The following PAN3 variants were observed in gnomAD, a reference collection of about 807,000 sequenced individuals.
PAN3 encodes the protein poly(A) specific ribonuclease subunit PAN3, also known as PAN2-PAN3 deadenylation complex subunit PAN3.
In PAN3, 19 loss-of-function variants were observed where a neutral mutation model predicts 96.2. The observed-to-expected ratio is 0.20, with a 90% confidence interval of 0.14 to 0.29. PAN3 has a LOEUF of 0.29. Ranked by LOEUF, PAN3 falls within the 10% of genes least tolerant of loss-of-function variation. PAN3 has a pLI of 1.00. For missense variants in PAN3, 882 were observed against 1,108.1 expected (o/e 0.80, Z 2.90); for synonymous variants, 433 against 406.6 (o/e 1.06, Z -0.78).
chr13:28,219,657 G>A (rs12431092), intron 5 of PAN3, among the ~76,000 whole-genome samples: 26 of 152,348 alleles, frequency 1.7e-4, no homozygotes, highest in Admixed American at 1.6e-3. Flanking sequence ...AGTGTAACAA[G>A]TCACGCATGG....
At chr13:28,193,604 G>A (rs1286890) in intron 4 of PAN3, among the ~76,000 whole-genome samples, 2 of 151,622 alleles carry the variant, frequency 1.3e-5, no homozygotes, top group South Asian at 2.1e-4. Flanking sequence ...TTAGCTGGGC[G>A]TGGTGGTACA....
intron 6 of PAN3, among the ~76,000 whole-genome samples, chr13:28,235,239 T>TA (rs1020758409): frequency 1.1e-4 from 17 of 152,252 alleles, no homozygotes; most frequent in Middle Eastern, 3.4e-3. Flanking sequence ...GTGTCACTTA[T>TA]AAAAAAAGGC....
chr13:28,145,617 G>C (rs1204313855), intron 1 of PAN3, among the ~76,000 whole-genome samples: 3 of 151,930 alleles, frequency 2.0e-5, no homozygotes, highest in Non-Finnish European at 4.4e-5. Context: ...GTGACCCACT[G>C]TGCCTAGCCT....
chr13:28,213,547 G>A (rs1194490443), intron 5 of PAN3, among the ~76,000 whole-genome samples: 2 of 152,042 alleles, frequency 1.3e-5, no homozygotes, highest in African/African-American at 2.4e-5. Context: ...AAATTCAAAC[G>A]AGGTGGGCAG....
In PAN3 at chr13:28,208,047, A is replaced by G. The variant is rs183432544; in HGVS notation, c.852+10701A>G. Among the ~76,000 whole-genome samples the G allele has an allele frequency of 5.4e-4, 82 of 152,302 alleles. No homozygotes were observed. In the East Asian group the frequency reaches 0.015, roughly 27 times the overall value. Reference sequence around the variant, plus strand: ...TGACCTAATGTGTTCCTGAAATTTAATGCTTTACATATTTTTGTAAATTTT... The same window carrying G: ...TGACCTAATGTGTTCCTGAAATTTAGTGCTTTACATATTTTTGTAAATTTT... On this transcript the variant is annotated intron_variant, in intron 5 of 18. Coordinates refer to ENST00000380958, the MANE Select transcript of PAN3 (RefSeq NM_175854.8).
At chr13:28,290,485 C>A (rs148841896) in intron 18 of PAN3, among the ~76,000 whole-genome samples, 1 of 152,066 alleles carries the variant, frequency 6.6e-6, no homozygotes, top group Non-Finnish European at 1.5e-5. Flanking sequence ...AGTTTGAGAC[C>A]AGCCTGGCCA....
intron 14 of PAN3, among the ~76,000 whole-genome samples, chr13:28,274,432 A>G (rs1049038275): frequency 6.6e-6 from 1 of 152,084 alleles, no homozygotes; most frequent in African/African-American, 2.4e-5. Context: ...AAGGAAAATT[A>G]CACATTTTTA....
At chr13:28,225,516 G>A (rs1881900751) in intron 6 of PAN3, among the ~76,000 whole-genome samples, 1 of 152,142 alleles carries the variant, frequency 6.6e-6, no homozygotes, top group African/African-American at 2.4e-5. Context: ...GGAACCTTTG[G>A]GATTTACATA....
chr13:28,162,411 G>A (rs555599458), intron 1 of PAN3, among the ~76,000 whole-genome samples: 99 of 152,222 alleles, frequency 6.5e-4, no homozygotes, highest in African/African-American at 2.3e-3. Context: ...TCAGCCGGGT[G>A]CCGTGGCTCA....
At chr13:28,213,029 A>G (rs1880236428) in intron 5 of PAN3, among the ~76,000 whole-genome samples, 1 of 152,308 alleles carries the variant, frequency 6.6e-6, no homozygotes, top group Non-Finnish European at 1.5e-5. Flanking sequence ...AGCCATACCA[A>G]AAAACAAAAC....
At chr13:28,279,345 C>A (rs896121706) in intron 15 of PAN3, among the ~76,000 whole-genome samples, 6 of 152,188 alleles carry the variant, frequency 3.9e-5, no homozygotes, top group African/African-American at 1.4e-4. Context: ...AAGGCTCATT[C>A]AGTTTAGCAA....
intron 13 of PAN3, among the ~76,000 whole-genome samples, chr13:28,271,531 AG>A (rs1428745898): frequency 2.0e-5 from 3 of 152,220 alleles, no homozygotes; most frequent in African/African-American, 7.2e-5. Flanking sequence ...TTATTAGACA[AG>A]TGTACTACTA....
intron 1 of PAN3, among the ~76,000 whole-genome samples, chr13:28,154,551 A>G (rs1459231522): frequency 6.6e-6 from 1 of 152,018 alleles, no homozygotes; most frequent in Admixed American, 6.6e-5. Context: ...GTGGAGTACA[A>G]TGGCACGATT....
intron 1 of PAN3, among the ~76,000 whole-genome samples, chr13:28,150,498 G>A (rs572996565): frequency 1.5e-4 from 23 of 151,952 alleles, no homozygotes; most frequent in South Asian, 6.3e-4. Flanking sequence ...GGTGGCGGGC[G>A]CGGTGACGGG....
chr13:28,200,540 G>A (rs897085187), intron 5 of PAN3, among the ~76,000 whole-genome samples: 2 of 152,140 alleles, frequency 1.3e-5, no homozygotes, highest in Non-Finnish European at 2.9e-5. Context: ...TTTCTTTCAA[G>A]AGGCTTATGA....
At chr13:28,174,898 A>C (rs991009283) in intron 2 of PAN3, among the ~76,000 whole-genome samples, 1 of 152,188 alleles carries the variant, frequency 6.6e-6, no homozygotes, top group Non-Finnish European at 1.5e-5. Context: ...AATGCTTAAA[A>C]TGTTGAATTT....
intron 1 of PAN3, among the ~76,000 whole-genome samples, chr13:28,145,835 C>T (rs1362676901): frequency 6.6e-6 from 1 of 150,446 alleles, no homozygotes; most frequent in African/African-American, 2.4e-5. Context: ...TTTTGGCACA[C>T]TGCAGCCTCC....
chr13:28,287,920 A>T (rs1869192668), intron 17 of PAN3, 64 bp from the exon 18 acceptor site: 1 of 1,448,010 alleles, frequency 6.9e-7, no homozygotes, highest in African/African-American at 1.5e-5. Context: ...GAGTCTAAAA[A>T]ATAGACATAT....
At chr13:28,147,883 T>C (rs1374831332) in intron 1 of PAN3, among the ~76,000 whole-genome samples, 1 of 152,136 alleles carries the variant, frequency 6.6e-6, no homozygotes, top group Admixed American at 6.5e-5. Context: ...GATACCTCTT[T>C]TGGCATTCTC....
Sources: gnomAD v4.1 joint callset for allele counts (sites outside exome capture counted in the v4.1 genomes callset) on GRCh38, gnomAD v4.1.1 for gene constraint, MANE v1.5 for transcripts, NCBI Gene and HGNC (gene_info 2026-07-23, HGNC 2026-07-21) for gene names.